The following PPM1B variants were observed in gnomAD, a reference collection of about 807,000 sequenced individuals.
The protein encoded by PPM1B is protein phosphatase, Mg2+/Mn2+ dependent 1B, also known as protein phosphatase 1B.
Under a neutral mutation model 43.0 loss-of-function variants are expected in PPM1B, and 22 were observed. The observed-to-expected ratio is 0.51, with a 90% CI of 0.37 to 0.73. PPM1B has a LOEUF of 0.73. Among genes scored for constraint, PPM1B ranks in the 30% least tolerant of loss-of-function variants. The pLI is 0.00. For missense variants in PPM1B, 632 were observed against 584.2 expected (o/e 1.08, Z -0.84); for synonymous variants, 217 against 197.9 (o/e 1.10, Z -0.81).
intron 5 of PPM1B, among the ~76,000 whole-genome samples, chr2:44,229,097 G>A (rs184640760): frequency 6.6e-6 from 1 of 151,230 alleles, no homozygotes; most frequent in Non-Finnish European, 1.5e-5. Flanking sequence ...CAGGAGAATC[G>A]CTTAAATCCT....
At chr2:44,183,166 G>A (rs906461732) in intron 1 of PPM1B, among the ~76,000 whole-genome samples, 1 of 152,202 alleles carries the variant, frequency 6.6e-6, no homozygotes, top group Non-Finnish European at 1.5e-5. Context: ...ATAACAGTTT[G>A]TAGTTTATGG....
downstream of PPM1B, among the ~76,000 whole-genome samples, chr2:44,244,838 TACACACACAC>T (rs57666659): frequency 6.9e-6 from 1 of 144,518 alleles, no homozygotes; most frequent in African/African-American, 2.6e-5. Flanking sequence ...TATATATATA[TACACACACAC>T]ACACATATAT....
intron 1 of PPM1B, among the ~76,000 whole-genome samples, chr2:44,172,676 C>T (rs1304607405): frequency 2.0e-5 from 3 of 152,138 alleles, no homozygotes; most frequent in African/African-American, 7.2e-5. Flanking sequence ...CCTGTCCCAA[C>T]ATTTTGGGAG....
chr2:44,236,923 A>G (rs1170591297), downstream of PPM1B, among the ~76,000 whole-genome samples: 1 of 152,238 alleles, frequency 6.6e-6, no homozygotes, highest in Non-Finnish European at 1.5e-5. Flanking sequence ...TGAGAAGCTA[A>G]ATAGTATTTA....
intron 1 of PPM1B, among the ~76,000 whole-genome samples, chr2:44,198,109 AAGG>A (rs1314211619): frequency 6.6e-6 from 1 of 152,144 alleles, no homozygotes; most frequent in Admixed American, 6.6e-5. Flanking sequence ...CAAGTGCAGT[AAGG>A]AGGAGAATTT....
At chr2:44,242,059 A>C (rs1368559617) in intron 5 of PPM1B, among the ~76,000 whole-genome samples, 1 of 151,394 alleles carries the variant, frequency 6.6e-6, no homozygotes, top group African/African-American at 2.4e-5. Context: ...GGGGTTTCAC[A>C]GTGTTAGCCA....
At chr2:44,189,638 T>C (rs1668308849) in intron 1 of PPM1B, among the ~76,000 whole-genome samples, 1 of 152,134 alleles carries the variant, frequency 6.6e-6, no homozygotes, top group African/African-American at 2.4e-5. Flanking sequence ...TAATTTTTTG[T>C]ATTTTTAGTA....
chr2:44,232,491 C>A, downstream of PPM1B: 1 of 1,500,298 alleles, frequency 6.7e-7, no homozygotes. Flanking sequence ...CATTTCCCAT[C>A]ATTTGTTCAT....
intron 2 of PPM1B, among the ~76,000 whole-genome samples, chr2:44,207,567 T>A (rs1319685217): frequency 6.6e-6 from 1 of 152,078 alleles, no homozygotes; most frequent in Non-Finnish European, 1.5e-5. Context: ...ACTAGAGTAG[T>A]ATATATGATA....
rs947720216 is a variant in PPM1B at position 44,226,602 on chromosome 2, G to A, written c.1135-3811G>A. The stretch of plus-strand genomic sequence containing the variant: ...ATTTTGAAATGGAACTTTGGCATGT[G>A]TGCAATTTTAAAAGCTCCACAGGTA... On this transcript the variant is annotated intron_variant, in intron 5 of 5. Transcript: ENST00000282412. Among the ~76,000 whole-genome samples, 6 of 152,112 alleles carry A rather than the reference G, an allele frequency of 3.9e-5. 1 individual carries two copies. Among genetic ancestry groups the A allele is most frequent in the Admixed American group, 1.3e-4 (2 of 15,270 alleles).
Position 44,230,734 on chromosome 2 carries a change from A to G in PPM1B, c.*16A>G, listed in dbSNP as rs1558433461. 7 of 1,598,672 alleles carry G rather than the reference A, an allele frequency of 4.4e-6. No individual in the cohort carries two copies. The highest frequency in any genetic ancestry group is 6.0e-6 in the Non-Finnish European group (7 of 1,169,790). ...AAAAATATGACTTTCCTTTTTGGTA[A>G]TATTTTTGTGATCTTTGATGGTTTT... On this transcript the variant is annotated 3_prime_UTR_variant, in exon 6 of 6. Coordinates refer to ENST00000282412, the MANE Select transcript of PPM1B (RefSeq NM_002706.6).
chr2:44,187,912 G>A (rs1303376848), intron 1 of PPM1B, among the ~76,000 whole-genome samples: 3 of 151,980 alleles, frequency 2.0e-5, no homozygotes, highest in Non-Finnish European at 2.9e-5. Flanking sequence ...CACCATGCCC[G>A]GCTAACTTTT....
downstream of PPM1B, chr2:44,234,346 C>G (rs1018014535): frequency 1.8e-6 from 1 of 563,690 alleles, no homozygotes; most frequent in East Asian, 1.4e-4. Flanking sequence ...CGGTGAAACC[C>G]TGCCTCTACT....
intron 2 of PPM1B, among the ~76,000 whole-genome samples, 199 bp from the exon 3 acceptor site, chr2:44,209,011 A>G (rs1669324112): frequency 6.6e-6 from 1 of 152,204 alleles, no homozygotes; most frequent in Non-Finnish European, 1.5e-5. Context: ...AAATACAGAA[A>G]TGCTTACAGA....
At chr2:44,188,274 T>G (rs188176980) in intron 1 of PPM1B, among the ~76,000 whole-genome samples, 1 of 152,336 alleles carries the variant, frequency 6.6e-6, no homozygotes, top group African/African-American at 2.4e-5. Flanking sequence ...AGTATCTTTT[T>G]GAATCTGAGG....
At chr2:44,196,797 C>G (rs998112501) in intron 1 of PPM1B, among the ~76,000 whole-genome samples, 2 of 152,152 alleles carry the variant, frequency 1.3e-5, no homozygotes, top group African/African-American at 4.8e-5. Flanking sequence ...AATGATCTGT[C>G]ATAGACCAAG....
downstream of PPM1B, among the ~76,000 whole-genome samples, chr2:44,239,179 CAAAAAAAAAAAA>C (rs1193340508): frequency 1.5e-4 from 13 of 89,636 alleles, no homozygotes; most frequent in East Asian, 3.7e-3. Context: ...GTCTCTAATA[CAAAAAAAAAAAA>C]AAAAAAAAAA....
chr2:44,227,926 T>TC (rs1670293450), intron 5 of PPM1B, among the ~76,000 whole-genome samples: 3 of 143,284 alleles, frequency 2.1e-5, no homozygotes, highest in Non-Finnish European at 4.6e-5. Context: ...TCTTTTCTTT[T>TC]TTTTTTTTTT....
rs746451090 is a variant in PPM1B at position 44,202,058 on chromosome 2, T to G, written c.846+13T>G. The stretch of plus-strand genomic sequence containing the variant: ...TTGTTTACACAAGGTATGTAAACTT[T>G]TTTGTCATTAAAATAACATGTTAAT... On this transcript the variant is annotated intron_variant, in intron 2 of 5. Coordinates refer to ENST00000282412, the MANE Select transcript of PPM1B (RefSeq NM_002706.6). 6.7e-7 allele frequency: 1 copy of G among 1,494,106 alleles called. No homozygotes were observed. Among genetic ancestry groups the G allele is most frequent in the Non-Finnish European group, 8.9e-7 (1 of 1,122,990 alleles). 92.6% of individuals were successfully genotyped at this position (1,494,106 alleles called of 1,614,324 possible). A position where few individuals can be genotyped will look rare whatever the true frequency, so the allele number is the denominator to read the frequency against.
Sources: gnomAD v4.1 joint callset for allele counts (sites outside exome capture counted in the v4.1 genomes callset) on GRCh38, gnomAD v4.1.1 for gene constraint, MANE v1.5 for transcripts, NCBI Gene and HGNC (gene_info 2026-07-23, HGNC 2026-07-21) for gene names.